Variants in CXCL12 observed in about 807,000 individuals in gnomAD.
The protein encoded by CXCL12 is C-X-C motif chemokine ligand 12, also known as stromal cell-derived factor 1.
In CXCL12, 4 loss-of-function variants were observed where a neutral mutation model predicts 10.7. The observed-to-expected ratio is 0.37, with a 90% CI of 0.18 to 0.86. The LOEUF (loss-of-function observed/expected upper bound fraction) is 0.86. Among genes scored for constraint, CXCL12 ranks in the 40% least tolerant of loss-of-function variants. The pLI, the probability that CXCL12 is intolerant of heterozygous loss-of-function variation, is 0.43. For synonymous variants in CXCL12, 54 were observed against 45.4 expected, an observed-to-expected ratio of 1.19 and a Z score of -0.77; for missense variants, 122 against 110.4, an observed-to-expected ratio of 1.10 and a Z score of -0.47.
chr10:44,370,887 A>G (rs1839297759), downstream of CXCL12: 1 of 153,468 alleles, frequency 6.5e-6, no homozygotes, highest in Non-Finnish European at 1.4e-5. Context: ...ACTCAATCCC[A>G]ACACACAGCC....
At chr10:44,374,704 G>A (rs1197836755), downstream of CXCL12, 1 of 455,672 alleles carries the variant, frequency 2.2e-6, no homozygotes, top group Non-Finnish European at 4.4e-6. Flanking sequence ...ACATGCAGGG[G>A]TCTTTGTGGG....
chr10:44,376,958 T>A, downstream of CXCL12: 1 of 244,086 alleles, frequency 4.1e-6, no homozygotes, highest in African/African-American at 2.4e-5. Flanking sequence ...GCAGATCTAA[T>A]CTGCTCGTGA....
At chr10:44,383,604 A>G (rs576752230) in intron 1 of CXCL12, among the ~76,000 whole-genome samples, 69 of 11,962 alleles carry the variant, frequency 5.8e-3, no homozygotes, top group Non-Finnish European at 8.5e-3. Context: ...ATGCCCCATG[A>G]CTTGCGGGGG....
downstream of CXCL12, chr10:44,372,513 C>A: frequency 1.7e-6 from 1 of 577,114 alleles, no homozygotes; most frequent in African/African-American, 1.9e-5. Flanking sequence ...TAGGATTGGA[C>A]AATGGACAAT....
chr10:44,370,526 T>C (rs1037021714), exon 4 of CXCL12: 3 of 152,260 alleles, frequency 2.0e-5, no homozygotes, highest in African/African-American at 7.2e-5. Flanking sequence ...TCCTTCAGAA[T>C]GAGTCAGGGA....
chr10:44,385,015 G>T lies in CXCL12; in HGVS notation c.-10C>A, dbSNP rs1439989394. ...CGACCTTGGCGTTCATGGCGCGGGC[G>T]GGCGGGCGGGCGGGCGGACGAGCGC... is the stretch of plus-strand genomic sequence containing the variant. On this transcript the variant is annotated 5_prime_UTR_variant, in exon 1 of 3. Coordinates refer to ENST00000343575, the MANE Select transcript of CXCL12 (RefSeq NM_199168.4). 2 of 1,437,574 alleles carry T rather than the reference G, an allele frequency of 1.4e-6. No individual in the cohort carries two copies. Among genetic ancestry groups the T allele is most frequent in the Non-Finnish European group, 1.8e-6 (2 of 1,087,984 alleles). 89.1% of individuals were successfully genotyped at this position (1,437,574 alleles called of 1,614,324 possible). A position where few individuals can be genotyped will look rare whatever the true frequency, so the allele number is the denominator to read the frequency against.
At chr10:44,373,862 C>T (rs1215482642), downstream of CXCL12, among the ~76,000 whole-genome samples, 1 of 152,198 alleles carries the variant, frequency 6.6e-6, no homozygotes, top group East Asian at 1.9e-4. Context: ...TGGCCAGGAC[C>T]TCCCAGGAGG....
At chr10:44,372,667 T>A, downstream of CXCL12, 1 of 1,404,154 alleles carries the variant, frequency 7.1e-7, no homozygotes, top group Non-Finnish European at 9.2e-7. Flanking sequence ...ACACACATGA[T>A]GATGGATGAG....
Position 44,378,288 on chromosome 10 carries a change from A to G in CXCL12, c.*345T>C. 6.8e-7 allele frequency: 1 copy of G among 1,466,278 alleles called. No homozygotes were observed. Among genetic ancestry groups the G allele is most frequent in the Non-Finnish European group, 9.1e-7 (1 of 1,096,714 alleles). 90.8% of individuals were successfully genotyped at this position (1,466,278 alleles called of 1,614,324 possible). ...GTACTCGTTGATTTAAAAAATGAGA[A>G]TGAGAATGATGATGATTGTGATGAT... On this transcript the variant is annotated 3_prime_UTR_variant, in exon 3 of 3. Transcript: ENST00000343575.
At chr10:44,381,517 AAGGCTT>A (rs1254109352) in intron 1 of CXCL12, among the ~76,000 whole-genome samples, 4 of 152,248 alleles carry the variant, frequency 2.6e-5, no homozygotes, top group Non-Finnish European at 4.4e-5. Context: ...CACTTTCCCC[AAGGCTT>A]AGAGATTAGT....
downstream of CXCL12, among the ~76,000 whole-genome samples, chr10:44,375,241 G>A (rs1434985278): frequency 6.6e-6 from 1 of 152,212 alleles, no homozygotes; most frequent in East Asian, 1.9e-4. Flanking sequence ...CTCTGAGAAT[G>A]CAGCATTCCC....
In CXCL12 at chr10:44,377,298, G is replaced by C; in HGVS notation, c.*1335C>G. 3 of 1,002,380 alleles carry C rather than the reference G, an allele frequency of 3.0e-6. No homozygotes were observed. The highest frequency in any genetic ancestry group is 4.2e-5 in the South Asian group (1 of 23,626). The allele number at this position is 1,002,380 out of a possible 1,614,324, so 62.1% of individuals were successfully genotyped here. A position where few individuals can be genotyped will look rare whatever the true frequency, so the allele number is the denominator to read the frequency against. On this transcript the variant is annotated 3_prime_UTR_variant, in exon 3 of 3. Coordinates refer to ENST00000343575, the MANE Select transcript of CXCL12 (RefSeq NM_199168.4). Reference sequence around the variant, plus strand: ...ATTGCCAGTAGTTTGAGATAATAGAGAAGTATAAACTACTGACATTCATAT... The same window carrying C: ...ATTGCCAGTAGTTTGAGATAATAGACAAGTATAAACTACTGACATTCATAT...
rs370748572 is a variant in CXCL12, at chr10:44,378,681, C to T, written c.222G>A (p.Pro74=). The T allele has an allele frequency of 2.1e-5, 34 of 1,614,068 alleles. No individual in the cohort carries two copies. In the Admixed American group the frequency reaches 3.3e-4, roughly 16 times the overall value. ...KNNNRQVCID[P]KLKWIQEYLE... ...GGTACTCCTGAATCCACTTTAGCTT[C>T]GGGTCAATGCACACTTGTCTGTTGT... Residue 74 remains proline (P), a synonymous_variant, in exon 3 of 3, where the codon CCG becomes CCA. Coordinates refer to ENST00000343575, the MANE Select transcript of CXCL12 (RefSeq NM_199168.4).
downstream of CXCL12, among the ~76,000 whole-genome samples, chr10:44,373,604 G>A (rs917034293): frequency 6.6e-6 from 1 of 152,186 alleles, no homozygotes; most frequent in East Asian, 1.9e-4. Flanking sequence ...CGTGGCAGAC[G>A]CACGAAGGCA....
chr10:44,373,004 A>C, downstream of CXCL12: 1 of 1,536,032 alleles, frequency 6.5e-7, no homozygotes, highest in Non-Finnish European at 8.7e-7. Context: ...CCACCTGCAC[A>C]GCTCAGAGAA....
At chr10:44,375,473 G>A (rs972048540), downstream of CXCL12, among the ~76,000 whole-genome samples, 14 of 57,710 alleles carry the variant, frequency 2.4e-4, no homozygotes, top group Non-Finnish European at 5.6e-4. Context: ...CCTTCCTGGC[G>A]AGGCCACCTC....
chr10:44,377,610 C>CA lies in CXCL12; in HGVS notation c.*1022dup. On this transcript the variant is annotated 3_prime_UTR_variant, in exon 3 of 3. Coordinates refer to ENST00000343575, the MANE Select transcript of CXCL12 (RefSeq NM_199168.4). The stretch of plus-strand genomic sequence containing the variant: ...TTTTCGCTTCTGATTTCGGAAACCT[C>CA]AGAGTTTGTTAGTGCCTCCATGGCA... 4 of 1,509,664 alleles carry CA rather than the reference C, an allele frequency of 2.6e-6. No homozygotes were observed. Among genetic ancestry groups the CA allele is most frequent in the Non-Finnish European group, 3.5e-6 (4 of 1,136,358 alleles). The allele number at this position is 1,509,664 out of a possible 1,614,324, so 93.5% of individuals were successfully genotyped here.
At chr10:44,382,448 T>C (rs560581179) in intron 1 of CXCL12, among the ~76,000 whole-genome samples, 9 of 152,116 alleles carry the variant, frequency 5.9e-5, no homozygotes, top group African/African-American at 2.2e-4. Context: ...AGGGGGTGGG[T>C]TGGGGGTGGA....
At chr10:44,384,800 A>C in intron 1 of CXCL12, 145 bp downstream of exon 1, 1 of 753,854 alleles carries the variant, frequency 1.3e-6, no homozygotes, top group Non-Finnish European at 2.0e-6. Flanking sequence ...ACACCGCACC[A>C]GAGCGCCCAG....
Sources: allele counts gnomAD v4.1 joint callset (sites outside exome capture counted in the v4.1 genomes callset), GRCh38; gene constraint gnomAD v4.1.1; transcripts MANE v1.5; gene names NCBI Gene and HGNC (gene_info 2026-07-23, HGNC 2026-07-21).